PPARG: variants seen among roughly 807,000 people sequenced by gnomAD.
The protein encoded by PPARG is peroxisome proliferator activated receptor gamma, also known as peroxisome proliferator-activated receptor gamma.
In PPARG, 17 loss-of-function variants were observed where a neutral mutation model predicts 39.2. The ratio of observed to expected loss-of-function variants is 0.43; its 90% CI spans 0.30 to 0.65. The LOEUF (loss-of-function observed/expected upper bound fraction) is 0.65, where lower values mean the gene tolerates loss of function less well. Among genes scored for constraint, PPARG ranks in the 30% least tolerant of loss-of-function variants. PPARG has a pLI of 0.13. For synonymous variants in PPARG, 223 were observed against 215.7 expected (o/e 1.03, Z -0.30); for missense variants, 406 against 585.9 (o/e 0.69, Z 3.17).
chr3:12,316,705 T>A (rs1307921323), intron 2 of PPARG, among the ~76,000 whole-genome samples: 2 of 152,074 alleles, frequency 1.3e-5, no homozygotes, highest in Admixed American at 6.6e-5. Flanking sequence ...TAGAGGACCA[T>A]TAATCCTTAG....
At chr3:12,323,113 A>C (rs2047593334) in intron 2 of PPARG, among the ~76,000 whole-genome samples, 1 of 152,116 alleles carries the variant, frequency 6.6e-6, no homozygotes, top group East Asian at 1.9e-4. Flanking sequence ...GCTAAAAGAG[A>C]GATTTTGATA....
At chr3:12,395,471 T>A (rs2050225568) in intron 5 of PPARG, among the ~76,000 whole-genome samples, 1 of 152,226 alleles carries the variant, frequency 6.6e-6, no homozygotes, top group African/African-American at 2.4e-5. Flanking sequence ...AGAGAAAGTA[T>A]AAATGGCATC....
intron 2 of PPARG, among the ~76,000 whole-genome samples, chr3:12,352,396 A>G (rs2048516117): frequency 6.6e-6 from 1 of 152,240 alleles, no homozygotes; most frequent in African/African-American, 2.4e-5. Flanking sequence ...ATGTGTCAGA[A>G]TCAGATACCT....
At chr3:12,390,222 G>T (rs530835289) in intron 4 of PPARG, among the ~76,000 whole-genome samples, 1 of 152,192 alleles carries the variant, frequency 6.6e-6, no homozygotes, top group Non-Finnish European at 1.5e-5. Context: ...TAAAGCGCTT[G>T]TGGGGAGTGT....
At chr3:12,290,359 T>G (rs2046618225) in intron 1 of PPARG, among the ~76,000 whole-genome samples, 1 of 152,100 alleles carries the variant, frequency 6.6e-6, no homozygotes, top group African/African-American at 2.4e-5. Flanking sequence ...TATAATTTCT[T>G]TTTAAAATTA....
chr3:12,343,803 C>T (rs1240908610), intron 2 of PPARG, among the ~76,000 whole-genome samples: 2 of 151,142 alleles, frequency 1.3e-5, no homozygotes, highest in Admixed American at 1.3e-4. Flanking sequence ...ACATCACCCT[C>T]ATTCTTTCTG....
intron 2 of PPARG, among the ~76,000 whole-genome samples, chr3:12,345,314 A>G (rs977797018): frequency 2.6e-5 from 4 of 152,246 alleles, no homozygotes; most frequent in African/African-American, 7.2e-5. Flanking sequence ...TTACCGAGTC[A>G]TAATTGAGTA....
chr3:12,287,489 G>C (rs1206052362), upstream of PPARG: 3 of 152,182 alleles, frequency 2.0e-5, no homozygotes, highest in Non-Finnish European at 2.9e-5. Flanking sequence ...AGAACATCTT[G>C]GGAAGACGGC....
intron 2 of PPARG, among the ~76,000 whole-genome samples, chr3:12,374,809 T>C (rs1256150546): frequency 6.6e-6 from 1 of 152,138 alleles, no homozygotes. Context: ...TTTTAAGAGC[T>C]CTGTACTTTC....
chr3:12,433,531 C>A (rs1306087891), intron 7 of PPARG, among the ~76,000 whole-genome samples: 1 of 141,130 alleles, frequency 7.1e-6, no homozygotes, highest in Non-Finnish European at 1.5e-5. Context: ...GAGCAAGACT[C>A]CATCTCAAAA....
At chr3:12,331,321 A>G (rs2047853622) in intron 2 of PPARG, among the ~76,000 whole-genome samples, 1 of 152,186 alleles carries the variant, frequency 6.6e-6, no homozygotes, top group African/African-American at 2.4e-5. Context: ...CGATAGTTGA[A>G]GAGTGAATTG....
intron 7 of PPARG, among the ~76,000 whole-genome samples, chr3:12,426,799 G>A (rs564504054): frequency 2.0e-5 from 3 of 152,262 alleles, no homozygotes; most frequent in East Asian, 3.9e-4. Flanking sequence ...TTAAATTACC[G>A]CTACAGCTCC....
chr3:12,305,131 C>T (rs2047026708), intron 1 of PPARG, among the ~76,000 whole-genome samples: 1 of 151,602 alleles, frequency 6.6e-6, no homozygotes, highest in South Asian at 2.1e-4. Context: ...CCTATGTTTT[C>T]TTCTTTCCTT....
intron 5 of PPARG, among the ~76,000 whole-genome samples, chr3:12,400,319 G>A (rs981113252): frequency 6.6e-6 from 1 of 152,074 alleles, no homozygotes; most frequent in Non-Finnish European, 1.5e-5. Context: ...TTGTTTCTTA[G>A]CGTTATACCC....
chr3:12,359,674 C>CTTTTTTTTTTTTTTTTTTTT (rs71628752), intron 2 of PPARG, among the ~76,000 whole-genome samples: 7 of 129,846 alleles, frequency 5.4e-5, no homozygotes, highest in African/African-American at 1.7e-4. Flanking sequence ...TCTTTTATTT[C>CTTTTTTTTTTTTTTTTTTTT]TTTTTTTTTT....
chr3:12,431,187 G>T (rs2051647878), intron 7 of PPARG, among the ~76,000 whole-genome samples: 1 of 151,908 alleles, frequency 6.6e-6, no homozygotes, highest in African/African-American at 2.4e-5. Context: ...TGAGAAATTA[G>T]AAAATAAAAC....
chr3:12,358,365 A>G (rs894212053), intron 2 of PPARG, among the ~76,000 whole-genome samples: 1 of 152,222 alleles, frequency 6.6e-6, no homozygotes, highest in African/African-American at 2.4e-5. Context: ...CCTGATATGT[A>G]ATAGGTGCCA....
chr3:12,425,265 C>G (rs1266076175), intron 7 of PPARG, among the ~76,000 whole-genome samples: 1 of 152,138 alleles, frequency 6.6e-6, no homozygotes, highest in African/African-American at 2.4e-5. Context: ...TTCCCATGAA[C>G]TTCTTGGGGA....
At chr3:12,404,795 C>T (rs190927988) in intron 5 of PPARG, among the ~76,000 whole-genome samples, 8 of 152,330 alleles carry the variant, frequency 5.3e-5, no homozygotes, top group African/African-American at 1.9e-4. Flanking sequence ...CAGAGCAAGA[C>T]TCCATCTCAA....
Sources: allele counts gnomAD v4.1 joint callset (sites outside exome capture counted in the v4.1 genomes callset), GRCh38; gene constraint gnomAD v4.1.1; transcripts MANE v1.5; gene names NCBI Gene and HGNC (gene_info 2026-07-23, HGNC 2026-07-21).